TSPOAP1: variants seen among roughly 807,000 people sequenced by gnomAD.
TSPOAP1 encodes the protein peripheral-type benzodiazepine receptor-associated protein 1.
In TSPOAP1, 87 loss-of-function variants were observed where a neutral mutation model predicts 197.0. The observed-to-expected ratio is 0.44, with a 90% CI of 0.37 to 0.53. The LOEUF (loss-of-function observed/expected upper bound fraction) is 0.53. Among genes scored for constraint, TSPOAP1 ranks in the 20% least tolerant of loss-of-function variants. The pLI, the probability that TSPOAP1 is intolerant of heterozygous loss-of-function variation, is 0.00. For synonymous variants in TSPOAP1, 913 were observed against 998.9 expected, an observed-to-expected ratio of 0.91 and a Z score of 1.62; for missense variants, 2,174 against 2,411.3, an observed-to-expected ratio of 0.90 and a Z score of 2.06.
At position 58,328,295 on chromosome 17, in the gene TSPOAP1, T is replaced by C. The variant is rs1420590033; in HGVS notation, c.-375A>G. The C allele has an allele frequency of 7.4e-6, 2 of 271,234 alleles. No individual in the cohort carries two copies. The highest frequency in any genetic ancestry group is 1.4e-5 in the Non-Finnish European group (2 of 138,010). 16.8% of individuals were successfully genotyped at this position (271,234 alleles called of 1,614,324 possible). ...TGCAGGTCAATGCTGTCTCATGTGT[T>C]GGGAAGATGGGTGCCCCCACTTCTG... On this transcript the variant is annotated 5_prime_UTR_variant, in exon 1 of 32. Coordinates refer to ENST00000343736, the MANE Select transcript of TSPOAP1 (RefSeq NM_004758.4). This position sits in a 1 kb window ranked among gnomAD's most constrained non-coding sequence, Gnocchi z 4.3.
At position 58,310,678 on chromosome 17, in the gene TSPOAP1, T is replaced by C. The variant is rs1397002120; in HGVS notation, c.3533A>G (p.Asp1178Gly). ...CAGTGAGGGAGCTGCGGGGCCAGGG[T>C]CCTTCTCACCCAGGGTAGATGTGCT... ...TASTSTLGEK[D>G]PGPAAPSLAK... The change falls in exon 20 of 32, where the codon GAC (aspartate) becomes GGC (glycine). Residue 1178 changes from aspartate (D) to glycine (G), a missense_variant. Around this residue, in one of 5 missense-constraint regions of TSPOAP1, gnomAD observed 1,933 missense variants for 2,139.0 expected, o/e 0.90. Transcript: ENST00000343736. 1.2e-6 allele frequency: 2 copies of C among 1,612,620 alleles called. No individual in the cohort carries two copies. The highest frequency in any genetic ancestry group is 2.7e-5 in the African/African-American group (2 of 74,896).
rs1024158507 is a variant in TSPOAP1, at chr17:58,309,606, C to T, written c.3892-226G>A. 9.9e-5 allele frequency among the ~76,000 whole-genome samples: 15 copies of T among 152,134 alleles called. 1 individual carries two copies. Among genetic ancestry groups the T allele is most frequent in the Non-Finnish European group, 5.9e-5 (4 of 68,024 alleles). On this transcript the variant is annotated intron_variant, in intron 21 of 31. Coordinates refer to ENST00000343736, the MANE Select transcript of TSPOAP1 (RefSeq NM_004758.4). This position sits in a 1 kb window ranked among gnomAD's most constrained non-coding sequence, Gnocchi z 5.0. The stretch of plus-strand genomic sequence containing the variant: ...CAAAGGAAGAATTAGGGAACACACT[C>T]TAGGAACCATCACCAGCCCCTGTGG...
At chr17:58,310,189 A>T (rs942451079) in intron 20 of TSPOAP1, 31 bp from the exon 21 acceptor site, 1 of 1,596,820 alleles carries the variant, frequency 6.3e-7, no homozygotes, top group Non-Finnish European at 8.5e-7. Context: ...CAGGAGAGAT[A>T]AGGACAGTGA....
chr17:58,305,240 C>T, intron 29 of TSPOAP1, 69 bp from the exon 30 acceptor site: 3 of 1,486,418 alleles, frequency 2.0e-6, no homozygotes, highest in East Asian at 4.5e-5. Context: ...GACTCTGATG[C>T]CCCTGGGGAA....
chr17:58,312,758 G>A (rs1028754753), intron 16 of TSPOAP1, 36 bp from the exon 17 acceptor site: 1 of 1,564,056 alleles, frequency 6.4e-7, no homozygotes, highest in African/African-American at 1.4e-5. Context: ...CAGGGCAGGG[G>A]AAGACAGAGA....
chr17:58,323,092 C>T lies in TSPOAP1; in HGVS notation c.1105-53G>A, dbSNP rs9894786. 2.7e-3 allele frequency: 4,235 copies of T among 1,565,158 alleles called. 93 individuals carry two copies. In the African/African-American group the frequency reaches 0.048, roughly 18 times the overall value. ...GGAGCCCAGCACCCACATTCCCCCT[C>T]TCCCCACACAGAGGACCCTGCCCTC... On this transcript the variant is annotated intron_variant, in intron 7 of 31. Transcript: ENST00000343736.
chr17:58,320,361 AC>A (rs1237255274), intron 11 of TSPOAP1, among the ~76,000 whole-genome samples, 169 bp downstream of exon 11: 5 of 152,076 alleles, frequency 3.3e-5, no homozygotes, highest in Non-Finnish European at 7.4e-5. Flanking sequence ...AGCCGTGCCC[AC>A]CCTGAGAAAT....
rs1970890777 is a variant in TSPOAP1 at position 58,306,322 on chromosome 17, G to GAAAAC, written c.5224+19_5224+20insGTTTT. 6.5e-7 allele frequency: 1 copy of GAAAAC among 1,550,020 alleles called. No homozygotes were observed. Among genetic ancestry groups the GAAAAC allele is most frequent in the Admixed American group, 2.0e-5 (1 of 51,040 alleles). ...ACACACATCCTCCCAGCACCTGAGA[G>GAAAAC]AGAATGGGGTCTTACCCACCTTTCT... On this transcript the variant is annotated intron_variant, in intron 26 of 31. Coordinates refer to ENST00000343736, the MANE Select transcript of TSPOAP1 (RefSeq NM_004758.4).
chr17:58,305,648 AG>A lies in TSPOAP1; in HGVS notation c.5258-6del. 6.8e-7 allele frequency: 1 copy of A among 1,462,580 alleles called. No individual in the cohort carries two copies. The highest frequency in any genetic ancestry group is 9.3e-7 in the Non-Finnish European group (1 of 1,076,388). The allele number at this position is 1,462,580 out of a possible 1,614,324, so 90.6% of individuals were successfully genotyped here. On this transcript the variant is annotated splice_region_variant and splice_polypyrimidine_tract_variant and intron_variant, in intron 27 of 31. Coordinates refer to ENST00000343736, the MANE Select transcript of TSPOAP1 (RefSeq NM_004758.4). ...AGGGGACCAGCTTAGGGGGGCCTGC[AG>A]GGGGAGTAGGAGAAGACTCTGGACT...
At chr17:58,323,728 G>A (rs1971472633) in intron 5 of TSPOAP1, among the ~76,000 whole-genome samples, 183 bp from the exon 6 acceptor site, 1 of 152,228 alleles carries the variant, frequency 6.6e-6, no homozygotes, top group Non-Finnish European at 1.5e-5. Flanking sequence ...CAGCTGATGT[G>A]TAAGTACAAA....
At position 58,305,546 on chromosome 17, in the gene TSPOAP1, G is replaced by A. The variant is rs145553596; in HGVS notation, c.5355C>T (p.Asp1785=). 163 of 1,604,822 alleles carry A rather than the reference G, an allele frequency of 1.0e-4. No homozygotes were observed. The African/African-American group carries it at 1.3e-3, about 13-fold the overall frequency. The part of the protein sequence containing the change: ...YNPQESSPNM[D]VEAELPFRAG... The stretch of plus-strand genomic sequence containing the variant: ...TCTATCTGAGGGTCCTCACCTCCAC[G>A]TCCATATTGGGGGAACTCTCCTGGG... Residue 1785 remains aspartate, a synonymous_variant, in exon 28 of 32, where the codon GAC becomes GAT. Coordinates refer to ENST00000343736, the MANE Select transcript of TSPOAP1 (RefSeq NM_004758.4).
chr17:58,307,923 C>G lies in TSPOAP1; in HGVS notation c.4750G>C (p.Ala1584Pro), dbSNP rs139104560. 1,077 of 1,612,634 alleles carry G rather than the reference C, an allele frequency of 6.7e-4. 1 individual carries two copies. The highest frequency in any genetic ancestry group is 8.2e-4 in the Admixed American group (49 of 59,956). ...PLSRATETGE[A>P]RGQDGSGRRG... ...CGCCCAGAGCCGTCCTGCCCTCTGGCCTCTCCGGTCTCTGTTGCCTGCAAA... is the reference window on the plus strand; with the variant it reads ...CGCCCAGAGCCGTCCTGCCCTCTGGGCTCTCCGGTCTCTGTTGCCTGCAAA... Residue 1584 changes from alanine (A) to proline (P), a missense_variant, in exon 23 of 32, where the codon GCC (alanine) becomes CCC (proline). Transcript: ENST00000343736.
intron 22 of TSPOAP1, 37 bp from the exon 23 acceptor site, chr17:58,307,978 A>G (rs541745014): frequency 1.3e-6 from 2 of 1,570,478 alleles, no homozygotes; most frequent in African/African-American, 2.7e-5. Context: ...AAAGTAACAC[A>G]CCATCCCTCT....
rs1396243955 is a variant in TSPOAP1, at chr17:58,301,866, CA to C, written c.*613del. Reference sequence around the variant, plus strand: ...ACAGGATCAGGACAGCCAGAGCCATCAGGGGGCACAGGCTCCTTTCTCCCTC... The same window carrying C: ...ACAGGATCAGGACAGCCAGAGCCATCGGGGGCACAGGCTCCTTTCTCCCTC... On this transcript the variant is annotated 3_prime_UTR_variant, in exon 32 of 32. Coordinates refer to ENST00000343736, the MANE Select transcript of TSPOAP1 (RefSeq NM_004758.4). The C allele has an allele frequency of 2.5e-5, 4 of 162,106 alleles. No homozygotes were observed. The East Asian group carries it at 5.7e-4, about 23-fold the overall frequency. 10.0% of individuals were successfully genotyped at this position (162,106 alleles called of 1,614,324 possible). A position where few individuals can be genotyped will look rare whatever the true frequency, so the allele number is the denominator to read the frequency against.
In TSPOAP1 at chr17:58,310,162, C is replaced by G; in HGVS notation, c.3700-4G>C. ...CAAGCTCTGCTGTGTCCTCCTTCTG[C>G]AAGAAGTGAGGCAAGGCAGGAGAGA... is the stretch of plus-strand genomic sequence containing the variant. On this transcript the variant is annotated splice_polypyrimidine_tract_variant and splice_region_variant and intron_variant, in intron 20 of 31. Transcript: ENST00000343736. The G allele has an allele frequency of 6.2e-7, 1 of 1,610,882 alleles. No individual in the cohort carries two copies. Among genetic ancestry groups the G allele is most frequent in the Non-Finnish European group, 8.5e-7 (1 of 1,179,110 alleles).
chr17:58,304,474 CCTGCGCA>C lies in TSPOAP1; in HGVS notation c.5545-82_5545-76del. ...CTTCTCCGCCCGGCCACCAGGTGGC[CCTGCGCA>C]GGGGTGGGCCCTACTCTCCAAGGCC... On this transcript the variant is annotated intron_variant, in intron 30 of 31. Coordinates refer to ENST00000343736, the MANE Select transcript of TSPOAP1 (RefSeq NM_004758.4). This position sits in a 1 kb window ranked among gnomAD's most constrained non-coding sequence, Gnocchi z 4.2. 6.2e-6 allele frequency: 8 copies of C among 1,280,254 alleles called. No homozygotes were observed. Among genetic ancestry groups the C allele is most frequent in the Non-Finnish European group, 9.1e-6 (8 of 876,568 alleles). 79.3% of individuals were successfully genotyped at this position (1,280,254 alleles called of 1,614,324 possible).
chr17:58,304,106 C>T lies in TSPOAP1; in HGVS notation c.*32+232G>A. On this transcript the variant is annotated intron_variant, in intron 31 of 31. Transcript: ENST00000343736. This position sits in a 1 kb window ranked among gnomAD's most constrained non-coding sequence, Gnocchi z 4.2. ...TATGGGACATCACACACTAAGATGA[C>T]ATGTAATCCTATGACAGCTGGCACT... 1 of 529,800 alleles carries T rather than the reference C, an allele frequency of 1.9e-6. No homozygotes were observed. Among genetic ancestry groups the T allele is most frequent in the Non-Finnish European group, 3.4e-6 (1 of 294,024 alleles). The allele number at this position is 529,800 out of a possible 1,614,324, so 32.8% of individuals were successfully genotyped here.
intron 11 of TSPOAP1, 137 bp downstream of exon 11, chr17:58,320,394 C>T: frequency 9.0e-7 from 1 of 1,109,652 alleles, no homozygotes; most frequent in Non-Finnish European, 1.3e-6. Flanking sequence ...GGAGGGGACT[C>T]CCCCAGGTCC....
chr17:58,322,496 C>T lies in TSPOAP1; in HGVS notation c.1318-84G>A. The T allele has an allele frequency of 6.4e-7, 1 of 1,558,926 alleles. No homozygotes were observed. Among genetic ancestry groups the T allele is most frequent in the South Asian group, 1.2e-5 (1 of 86,576 alleles). Reference sequence around the variant, plus strand: ...TCTAAGATGAGGAAGCCTCAAACACCATTTGCTCCAGATTCCTCTATTACA... The same window carrying T: ...TCTAAGATGAGGAAGCCTCAAACACTATTTGCTCCAGATTCCTCTATTACA... On this transcript the variant is annotated intron_variant, in intron 9 of 31. Coordinates refer to ENST00000343736, the MANE Select transcript of TSPOAP1 (RefSeq NM_004758.4). The surrounding 1 kb of genome is among the most constrained non-coding windows in gnomAD (Gnocchi z 5.0).
Sources: gnomAD v4.1 joint callset for allele counts (sites outside exome capture counted in the v4.1 genomes callset) on GRCh38, gnomAD v4.1.1 for gene constraint, gnomAD v4.1.1 regional missense constraint, Gnocchi (gnomAD v3.1) non-coding constraint, MANE v1.5 for transcripts, NCBI Gene and HGNC (gene_info 2026-07-23, HGNC 2026-07-21) for gene names.